RXFP2: variants seen among roughly 807,000 people sequenced by gnomAD.
RXFP2 encodes relaxin receptor 2.
Under a neutral mutation model 88.6 loss-of-function variants are expected in RXFP2, and 68 were observed. The observed-to-expected ratio is 0.77, with a 90% CI of 0.63 to 0.94. RXFP2 has a LOEUF of 0.94. Ranked by LOEUF, RXFP2 falls within the 40% of genes least tolerant of loss-of-function variation. The pLI is 0.00. For synonymous variants in RXFP2, 329 were observed against 306.8 expected (o/e 1.07, Z -0.76); for missense variants, 791 against 893.9 (o/e 0.88, Z 1.47).
At chr13:31,786,288 T>C in intron 11 of RXFP2, 95 bp from the exon 12 acceptor site, 1 of 942,926 alleles carries the variant, frequency 1.1e-6, no homozygotes, top group Non-Finnish European at 1.7e-6. Context: ...TCATATTTTC[T>C]GTTACATCAA....
At chr13:31,756,819 C>T (rs867417648) in intron 1 of RXFP2, among the ~76,000 whole-genome samples, 1 of 151,990 alleles carries the variant, frequency 6.6e-6, no homozygotes, top group Non-Finnish European at 1.5e-5. Flanking sequence ...TAGGGTTTCA[C>T]CATGTTGGCC....
chr13:31,777,414 G>A lies in RXFP2; in HGVS notation c.680G>A (p.Arg227His), dbSNP rs765460875. Residue 227 changes from arginine (R) to histidine (H), a missense_variant, in exon 8 of 18, where the codon CGC (arginine) becomes CAC (histidine). By Grantham distance (29) the Arg-to-His change is conservative (BLOSUM62 0). Transcript: ENST00000298386. ...AATCCAATAACCAGAATTTCACAGC[G>A]CTTGTTTACGGGATTAAATTCCTTG... Reference protein sequence around the residue: ...DDNPITRISQRLFTGLNSLFF... With the variant: ...DDNPITRISQHLFTGLNSLFF... 20 of 1,611,686 alleles carry A rather than the reference G, an allele frequency of 1.2e-5. No individual in the cohort carries two copies. Among genetic ancestry groups the A allele is most frequent in the South Asian group, 7.7e-5 (7 of 90,882 alleles).
At chr13:31,759,436 A>G (rs1029560306) in intron 2 of RXFP2, among the ~76,000 whole-genome samples, 1 of 150,898 alleles carries the variant, frequency 6.6e-6, no homozygotes, top group Non-Finnish European at 1.5e-5. Context: ...AAAGAAAGAA[A>G]GAAAGAAAGA....
chr13:31,784,076 C>T (rs1251543741), intron 11 of RXFP2, among the ~76,000 whole-genome samples: 1 of 151,290 alleles, frequency 6.6e-6, no homozygotes, highest in Non-Finnish European at 1.5e-5. Flanking sequence ...ATCCACCCGC[C>T]TCAGCCTCCC....
chr13:31,781,187 T>C (rs1803690008), intron 9 of RXFP2, among the ~76,000 whole-genome samples: 1 of 152,144 alleles, frequency 6.6e-6, no homozygotes, highest in Non-Finnish European at 1.5e-5. Context: ...GACATGGTAG[T>C]TAAGTGTCTA....
intron 11 of RXFP2, among the ~76,000 whole-genome samples, chr13:31,784,458 A>C (rs1224926339): frequency 6.6e-6 from 1 of 152,204 alleles, no homozygotes; most frequent in Non-Finnish European, 1.5e-5. Context: ...TGAGACCCCC[A>C]AAGTCCTTTC....
At chr13:31,779,618 C>T (rs1041094992) in intron 9 of RXFP2, among the ~76,000 whole-genome samples, 9 of 152,170 alleles carry the variant, frequency 5.9e-5, no homozygotes, top group African/African-American at 2.2e-4. Flanking sequence ...CTGCCACATA[C>T]ACCTTCACGG....
chr13:31,745,792 G>T (rs1303764521), intron 1 of RXFP2, among the ~76,000 whole-genome samples: 2 of 152,200 alleles, frequency 1.3e-5, no homozygotes, highest in Non-Finnish European at 2.9e-5. Context: ...CACAATGGAT[G>T]ACCTTGATCC....
At chr13:31,746,488 T>C (rs1168451711) in intron 1 of RXFP2, among the ~76,000 whole-genome samples, 3 of 152,154 alleles carry the variant, frequency 2.0e-5, no homozygotes, top group Non-Finnish European at 4.4e-5. Flanking sequence ...AAAACTGTAA[T>C]TAATATGCTA....
At chr13:31,789,639 T>C (rs1386512768) in intron 14 of RXFP2, among the ~76,000 whole-genome samples, 1 of 152,248 alleles carries the variant, frequency 6.6e-6, no homozygotes, top group Non-Finnish European at 1.5e-5. Flanking sequence ...TTAATCTTTA[T>C]AGTAGTTTTT....
chr13:31,802,305 T>C lies in RXFP2; in HGVS notation c.2165T>C (p.Leu722Ser). The C allele has an allele frequency of 6.2e-7, 1 of 1,613,290 alleles. No individual in the cohort carries two copies. Among genetic ancestry groups the C allele is most frequent in the Non-Finnish European group, 8.5e-7 (1 of 1,179,348 alleles). Reference protein sequence around the residue: ...KSIFKIKKKSLSTSIVWIEDS... With the variant: ...KSIFKIKKKSSSTSIVWIEDS... The stretch of plus-strand genomic sequence containing the variant: ...ATTTTCAAAATTAAAAAAAAAAGTT[T>C]ATCTACATCCATTGTGTGGATAGAG... The change falls in exon 18 of 18, where the codon TTA (leucine) becomes TCA (serine). Residue 722 changes from leucine (L) to serine (S), a missense_variant. Coordinates refer to ENST00000298386, the MANE Select transcript of RXFP2 (RefSeq NM_130806.5).
At chr13:31,768,515 G>A (rs896908416) in intron 5 of RXFP2, among the ~76,000 whole-genome samples, 4 of 152,204 alleles carry the variant, frequency 2.6e-5, no homozygotes, top group African/African-American at 9.7e-5. Flanking sequence ...CTTGGGGAGA[G>A]AGGTTGTTTG....
At chr13:31,792,147 A>C (rs1873824621) in intron 15 of RXFP2, 112 bp downstream of exon 15, 1 of 791,712 alleles carries the variant, frequency 1.3e-6, no homozygotes, top group Non-Finnish European at 2.0e-6. Flanking sequence ...TGAATTATAC[A>C]TCCTGGGCAC....
chr13:31,782,950 A>C (rs555306625), intron 11 of RXFP2, among the ~76,000 whole-genome samples: 1 of 152,222 alleles, frequency 6.6e-6, no homozygotes, highest in South Asian at 2.1e-4. Flanking sequence ...GATTTAACCT[A>C]CCCTAGTTTC....
At chr13:31,744,731 G>A (rs1331946421) in intron 1 of RXFP2, among the ~76,000 whole-genome samples, 1 of 148,080 alleles carries the variant, frequency 6.8e-6, no homozygotes, top group Non-Finnish European at 1.5e-5. Flanking sequence ...TTTTTTTTCA[G>A]TGACTATATT....
chr13:31,774,496 A>G, intron 5 of RXFP2, 124 bp from the exon 6 acceptor site: 1 of 710,612 alleles, frequency 1.4e-6, no homozygotes, highest in Non-Finnish European at 2.6e-6. Flanking sequence ...CCCCAACATG[A>G]GAATAGGACT....
chr13:31,802,552 TC>T lies in RXFP2; in HGVS notation c.*149del. On this transcript the variant is annotated 3_prime_UTR_variant, in exon 18 of 18. Transcript: ENST00000298386. ...AGCAGAATGGCTCCTGTCACTGCATTCCAATGGCAGCTGTACTATCTACCAA... is the reference window on the plus strand; with the variant it reads ...AGCAGAATGGCTCCTGTCACTGCATTCAATGGCAGCTGTACTATCTACCAA... 1.2e-6 allele frequency: 1 copy of T among 869,404 alleles called. No individual in the cohort carries two copies. The highest frequency in any genetic ancestry group is 1.4e-5 in the South Asian group (1 of 72,414). 53.9% of individuals were successfully genotyped at this position (869,404 alleles called of 1,614,324 possible).
chr13:31,795,959 C>T (rs1874014877), intron 16 of RXFP2, among the ~76,000 whole-genome samples: 1 of 145,038 alleles, frequency 6.9e-6, no homozygotes, highest in Admixed American at 7.0e-5. Context: ...TCTAAAGGTT[C>T]TGAACCACAG....
At chr13:31,773,417 C>A (rs192857728) in intron 5 of RXFP2, among the ~76,000 whole-genome samples, 294 of 150,904 alleles carry the variant, frequency 1.9e-3, no homozygotes, top group African/African-American at 6.9e-3. Flanking sequence ...GGAAGCCTGT[C>A]CTGGCTTTTT....
Sources: gnomAD v4.1 joint callset for allele counts (sites outside exome capture counted in the v4.1 genomes callset) on GRCh38, gnomAD v4.1.1 for gene constraint, MANE v1.5 for transcripts, NCBI Gene and HGNC (gene_info 2026-07-23, HGNC 2026-07-21) for gene names.